Variants in MCC observed in about 807,000 individuals in gnomAD.
MCC encodes colorectal mutant cancer protein.
In MCC, 90 loss-of-function variants were observed where a neutral mutation model predicts 116.2. The observed-to-expected ratio is 0.77, with a 90% CI of 0.65 to 0.92. The LOEUF is 0.92. Among genes scored for constraint, MCC ranks in the 40% least tolerant of loss-of-function variants. The pLI, the probability that MCC is intolerant of heterozygous loss-of-function variation, is 0.00. For synonymous variants in MCC, 578 were observed against 510.5 expected, an observed-to-expected ratio of 1.13 and a Z score of -1.78; for missense variants, 1,516 against 1,312.2, an observed-to-expected ratio of 1.16 and a Z score of -2.40.
At chr5:113,309,292 C>G (rs1331175724) in intron 3 of MCC, among the ~76,000 whole-genome samples, 7 of 152,204 alleles carry the variant, frequency 4.6e-5, no homozygotes, top group Admixed American at 3.9e-4. Context: ...AGCCATCACT[C>G]AAATAGTGTA....
rs144475967 is a variant in MCC at position 113,290,321 on chromosome 5, T to C, written c.627+50198A>G. Among the ~76,000 whole-genome samples the C allele has an allele frequency of 3.0e-4, 45 of 152,272 alleles. 1 individual carries two copies. Among genetic ancestry groups the C allele is most frequent in the African/African-American group, 9.9e-4 (41 of 41,544 alleles). On this transcript the variant is annotated intron_variant, in intron 3 of 18. Coordinates refer to ENST00000408903, the MANE Select transcript of MCC (RefSeq NM_001085377.2). ...GGGGCATCCAATGTTTCCAAGTAAA[T>C]AGTGATGCAGAATTTTGTCTGTCCA...
intron 3 of MCC, among the ~76,000 whole-genome samples, chr5:113,244,966 C>T (rs971160848): frequency 4.6e-5 from 7 of 152,266 alleles, no homozygotes; most frequent in African/African-American, 1.4e-4. Flanking sequence ...ATTGATTAGC[C>T]ATTGTGGGTT....
At chr5:113,484,384 A>T (rs1772458537) in intron 1 of MCC, among the ~76,000 whole-genome samples, 1 of 152,180 alleles carries the variant, frequency 6.6e-6, no homozygotes, top group East Asian at 1.9e-4. Context: ...ACCACTGTTT[A>T]TTCTTGGTCA....
At chr5:113,227,078 AC>A (rs1763769166) in intron 3 of MCC, among the ~76,000 whole-genome samples, 1 of 152,190 alleles carries the variant, frequency 6.6e-6, no homozygotes, top group Admixed American at 6.5e-5. Flanking sequence ...TTTTTCTTTT[AC>A]TTTTTCGATG....
chr5:113,161,753 C>T (rs1722717717), intron 3 of MCC, among the ~76,000 whole-genome samples: 1 of 152,030 alleles, frequency 6.6e-6, no homozygotes, highest in South Asian at 2.1e-4. Flanking sequence ...GCACATGCTT[C>T]CAGACTTCTA....
At chr5:113,416,156 GC>G (rs1223426840) in intron 1 of MCC, among the ~76,000 whole-genome samples, 3 of 152,186 alleles carry the variant, frequency 2.0e-5, no homozygotes, top group Non-Finnish European at 4.4e-5. Flanking sequence ...GCTGGGAGGT[GC>G]AGACCAGAGC....
At position 113,438,345 on chromosome 5, in the gene MCC, C is replaced by T. The variant is rs76725797; in HGVS notation, c.170+49900G>A. On this transcript the variant is annotated intron_variant, in intron 1 of 18. Transcript: ENST00000408903. ...CTGAGGCAATTAAGAGCATCAGACA[C>T]GGGGCAGATAAATCTGGTTTTAAAT... 7.2e-3 allele frequency among the ~76,000 whole-genome samples: 1,099 copies of T among 152,168 alleles called. 11 individuals are homozygous for T. The highest frequency in any genetic ancestry group is 0.022 in the African/African-American group (926 of 41,494).
At chr5:113,231,674 C>T (rs1763945167) in intron 3 of MCC, among the ~76,000 whole-genome samples, 1 of 152,154 alleles carries the variant, frequency 6.6e-6, no homozygotes, top group African/African-American at 2.4e-5. Context: ...TTCTTGACAG[C>T]TATGAAAGTT....
chr5:113,250,849 C>T (rs1409710634), intron 3 of MCC, among the ~76,000 whole-genome samples: 2 of 148,530 alleles, frequency 1.3e-5, no homozygotes, highest in East Asian at 2.0e-4. Flanking sequence ...AGTCCAAGGT[C>T]GACCTACACA....
chr5:113,233,231 A>G (rs1198073082), intron 3 of MCC, among the ~76,000 whole-genome samples: 1 of 152,228 alleles, frequency 6.6e-6, no homozygotes, highest in Non-Finnish European at 1.5e-5. Context: ...ATGGCAAGTT[A>G]TATCGGCAAA....
At chr5:113,064,865 CTG>C (rs947462826) in intron 13 of MCC, among the ~76,000 whole-genome samples, 14 of 152,256 alleles carry the variant, frequency 9.2e-5, no homozygotes, top group African/African-American at 3.1e-4. Flanking sequence ...TGATTTAAGA[CTG>C]TGCTGGAAAA....
chr5:113,146,238 G>T (rs1759508815), intron 4 of MCC, among the ~76,000 whole-genome samples: 1 of 2,718 alleles, frequency 3.7e-4, no homozygotes, highest in Non-Finnish European at 1.5e-3. Context: ...ACATTTTGAA[G>T]GTAACTGTGG....
intron 14 of MCC, among the ~76,000 whole-genome samples, chr5:113,058,535 A>T (rs1752993238): frequency 6.6e-6 from 1 of 152,140 alleles, no homozygotes; most frequent in Non-Finnish European, 1.5e-5. Flanking sequence ...CTAAGTGGGC[A>T]TTTGCTCAGG....
At chr5:113,033,857 T>C (rs559037245) in intron 17 of MCC, among the ~76,000 whole-genome samples, 1 of 152,292 alleles carries the variant, frequency 6.6e-6, no homozygotes, top group Non-Finnish European at 1.5e-5. Context: ...TTCCTGGTGA[T>C]AAAAGGTCGT....
At chr5:113,198,340 G>GA (rs1762516834) in intron 3 of MCC, among the ~76,000 whole-genome samples, 1 of 152,038 alleles carries the variant, frequency 6.6e-6, no homozygotes, top group South Asian at 2.1e-4. Context: ...ATGAGCCTGG[G>GA]ATAACTTATG....
intron 13 of MCC, among the ~76,000 whole-genome samples, chr5:113,065,974 C>G (rs1753573188): frequency 6.6e-6 from 1 of 152,208 alleles, no homozygotes. Flanking sequence ...TGTCATTTCT[C>G]TGACAAACTT....
At chr5:113,315,390 A>C (rs1767253714) in intron 3 of MCC, among the ~76,000 whole-genome samples, 2 of 152,222 alleles carry the variant, frequency 1.3e-5, no homozygotes, top group Non-Finnish European at 2.9e-5. Flanking sequence ...TATAGGTATT[A>C]GATTAAATCA....
At chr5:113,083,831 C>T (rs759508175) in intron 10 of MCC, among the ~76,000 whole-genome samples, 4 of 152,114 alleles carry the variant, frequency 2.6e-5, no homozygotes, top group African/African-American at 4.8e-5. Context: ...TCATCTATAT[C>T]ACCAAGAACT....
chr5:113,188,133 G>A (rs1761992265), intron 3 of MCC, among the ~76,000 whole-genome samples: 1 of 152,168 alleles, frequency 6.6e-6, no homozygotes, highest in East Asian at 1.9e-4. Flanking sequence ...GACCTCAGAT[G>A]GTACTGAAAC....
Sources: gnomAD v4.1 joint callset for allele counts (sites outside exome capture counted in the v4.1 genomes callset) on GRCh38, gnomAD v4.1.1 for gene constraint, MANE v1.5 for transcripts, NCBI Gene and HGNC (gene_info 2026-07-23, HGNC 2026-07-21) for gene names.